The following RABGAP1L variants were observed in gnomAD, a reference collection of about 807,000 sequenced individuals.
RABGAP1L encodes rab GTPase-activating protein 1-like.
A neutral mutation model predicts 137.7 loss-of-function variants in RABGAP1L; 63 were observed. That is an observed-to-expected ratio of 0.46 (90% CI 0.37 to 0.56). The LOEUF is 0.56. Ranked by LOEUF, RABGAP1L falls within the 20% of genes least tolerant of loss-of-function variation. The pLI is 0.00. For synonymous variants in RABGAP1L, 431 were observed against 433.7 expected, an observed-to-expected ratio of 0.99 and a Z score of 0.08; for missense variants, 1,095 against 1,244.0, an observed-to-expected ratio of 0.88 and a Z score of 1.80.
intron 1 of RABGAP1L, among the ~76,000 whole-genome samples, chr1:174,171,989 A>G (rs961260214): frequency 5.9e-5 from 9 of 152,306 alleles, no homozygotes; most frequent in African/African-American, 2.2e-4. Context: ...CGACAGAGTG[A>G]GACTCCATCT....
intron 24 of RABGAP1L, 136 bp from the exon 25 acceptor site, chr1:174,988,505 A>G (rs1466329626): frequency 3.8e-6 from 3 of 792,084 alleles, no homozygotes; most frequent in Non-Finnish European, 5.4e-6. Context: ...TTGCAGCACA[A>G]GAAAAATAAT....
chr1:174,320,947 G>T (rs190579055), intron 11 of RABGAP1L, among the ~76,000 whole-genome samples: 1 of 152,134 alleles, frequency 6.6e-6, no homozygotes. Flanking sequence ...CCTGGGAGTC[G>T]GGTGGAACAG....
At chr1:174,805,084 C>T (rs1689153805) in intron 18 of RABGAP1L, among the ~76,000 whole-genome samples, 1 of 152,162 alleles carries the variant, frequency 6.6e-6, no homozygotes, top group Non-Finnish European at 1.5e-5. Context: ...TAAATACACT[C>T]CATAATTTCC....
intron 18 of RABGAP1L, chr1:174,757,126 C>T (rs1034982547): frequency 6.5e-6 from 3 of 463,072 alleles, no homozygotes; most frequent in Admixed American, 2.4e-5. Flanking sequence ...TAATCTTGTT[C>T]AGGTTTAATT....
At chr1:174,942,006 A>G (rs1665969157) in intron 19 of RABGAP1L, among the ~76,000 whole-genome samples, 1 of 152,236 alleles carries the variant, frequency 6.6e-6, no homozygotes. Flanking sequence ...GAGCACATGC[A>G]TGTACTTACC....
chr1:174,228,647 A>G (rs534071368), intron 3 of RABGAP1L, among the ~76,000 whole-genome samples: 1 of 152,216 alleles, frequency 6.6e-6, no homozygotes, highest in Non-Finnish European at 1.5e-5. Context: ...TAGATGAAGT[A>G]GTTCATTTTG....
chr1:174,780,387 C>T lies in RABGAP1L; in HGVS notation c.2211+28033C>T, dbSNP rs116085754. Among the ~76,000 whole-genome samples the T allele has an allele frequency of 4.8e-3, 731 of 152,202 alleles. 4 individuals are homozygous for T. The highest frequency in any genetic ancestry group is 7.0e-3 in the Non-Finnish European group (474 of 68,020). ...CACATACCTTACGCTTGCCTGCTTT[C>T]TGTCTGGGAATAGGCTTCCTCCAGC... On this transcript the variant is annotated intron_variant, in intron 18 of 25. Transcript: ENST00000681986.
chr1:174,863,238 A>AAAAAAAAG (rs1650562287), intron 19 of RABGAP1L, among the ~76,000 whole-genome samples: 1 of 150,034 alleles, frequency 6.7e-6, no homozygotes, highest in African/African-American at 2.4e-5. Context: ...TGTAGCAAAA[A>AAAAAAAAG]AAAAAAAAAA....
At chr1:174,709,784 G>C (rs332791) in intron 17 of RABGAP1L, among the ~76,000 whole-genome samples, 1 of 151,964 alleles carries the variant, frequency 6.6e-6, no homozygotes, top group Non-Finnish European at 1.5e-5. Flanking sequence ...AAGGATCACA[G>C]CTCCTTGCCA....
chr1:174,448,297 C>T lies in RABGAP1L; in HGVS notation c.1710+54152C>T. 1 of 1,613,096 alleles carries T rather than the reference C, an allele frequency of 6.2e-7. No individual in the cohort carries two copies. Among genetic ancestry groups the T allele is most frequent in the African/African-American group, 1.3e-5 (1 of 74,982 alleles). ...TCATTGCTGGGAATCTAACAGTTAT[C>T]TTTGTCTTTCATTGTGCTCCACTGT... On this transcript the variant is annotated intron_variant, in intron 13 of 25. Transcript: ENST00000681986. This position sits in a 1 kb window ranked among gnomAD's most constrained non-coding sequence, Gnocchi z 4.2.
intron 11 of RABGAP1L, among the ~76,000 whole-genome samples, chr1:174,328,710 C>G (rs777593185): frequency 4.6e-4 from 70 of 152,076 alleles, no homozygotes; most frequent in Non-Finnish European, 8.8e-4. Context: ...GCGGAAGTTG[C>G]AGTGAGCCGA....
chr1:174,638,681 A>G (rs1383256723), intron 14 of RABGAP1L, among the ~76,000 whole-genome samples: 5 of 143,850 alleles, frequency 3.5e-5, no homozygotes, highest in East Asian at 4.0e-4. Flanking sequence ...TGTGGCACAT[A>G]TACACCATGG....
chr1:174,611,651 T>C (rs1159984012), intron 13 of RABGAP1L, among the ~76,000 whole-genome samples: 2 of 151,132 alleles, frequency 1.3e-5, no homozygotes, highest in African/African-American at 4.9e-5. Context: ...TTGGGCAGTA[T>C]GGCCATTTTC....
chr1:174,264,833 A>T (rs182069531), intron 7 of RABGAP1L, among the ~76,000 whole-genome samples: 239 of 152,208 alleles, frequency 1.6e-3, no homozygotes, highest in African/African-American at 5.6e-3. Context: ...AAAGAAAAAA[A>T]TTAGAAAAAA....
intron 13 of RABGAP1L, among the ~76,000 whole-genome samples, chr1:174,598,283 G>A (rs1330581633): frequency 3.5e-5 from 5 of 141,616 alleles, no homozygotes; most frequent in East Asian, 2.0e-4. Flanking sequence ...AGCCGAGATC[G>A]CATCACTGCA....
intron 13 of RABGAP1L, among the ~76,000 whole-genome samples, chr1:174,534,132 CTGTGTGTGTGTGTGTGTGTGTGTG>C (rs35255973): frequency 3.1e-4 from 41 of 132,626 alleles, no homozygotes; most frequent in Admixed American, 2.0e-3. Context: ...GAGGTCAACT[CTGTGTGTGTGTGTGTGTGTGTGTG>C]TGTGTGTGTG....
intron 1 of RABGAP1L, among the ~76,000 whole-genome samples, chr1:174,180,356 G>GT (rs907383900): frequency 2.6e-5 from 4 of 152,290 alleles, no homozygotes; most frequent in Admixed American, 6.5e-5. Flanking sequence ...TCTTTCATTA[G>GT]TACTAGAATA....
chr1:174,773,504 G>A (rs771256407), intron 18 of RABGAP1L, among the ~76,000 whole-genome samples: 24 of 152,184 alleles, frequency 1.6e-4, no homozygotes, highest in Non-Finnish European at 3.5e-4. Context: ...ATCATACTAT[G>A]AGTGAAAACA....
chr1:174,485,381 T>A (rs1000946794), intron 13 of RABGAP1L, among the ~76,000 whole-genome samples: 1 of 152,210 alleles, frequency 6.6e-6, no homozygotes, highest in Non-Finnish European at 1.5e-5. Flanking sequence ...CTATGTTGAA[T>A]AACAGTGGTG....
Sources: allele counts gnomAD v4.1 joint callset (sites outside exome capture counted in the v4.1 genomes callset), GRCh38; gene constraint gnomAD v4.1.1; non-coding constraint Gnocchi (gnomAD v3.1); transcripts MANE v1.5; gene names NCBI Gene and HGNC (gene_info 2026-07-23, HGNC 2026-07-21).